The following VPS37A variants were observed in gnomAD, a reference collection of about 807,000 sequenced individuals.
VPS37A encodes vacuolar protein sorting-associated protein 37A.
In VPS37A, 30 loss-of-function variants were observed where a neutral mutation model predicts 49.8. The ratio of observed to expected loss-of-function variants is 0.60; its 90% CI spans 0.45 to 0.82. The LOEUF (loss-of-function observed/expected upper bound fraction) is 0.82. Among genes scored for constraint, VPS37A ranks in the 40% least tolerant of loss-of-function variants. The pLI, the probability that VPS37A is intolerant of heterozygous loss-of-function variation, is 0.00. For synonymous variants in VPS37A, 195 were observed against 160.6 expected (o/e 1.21, Z -1.62); for missense variants, 593 against 464.4 (o/e 1.28, Z -2.55).
At chr8:17,286,477 TTAAA>T (rs766007079) in intron 11 of VPS37A, 50 bp downstream of exon 11, 15 of 1,523,304 alleles carry the variant, frequency 9.8e-6, no homozygotes, top group Non-Finnish European at 1.4e-5. Flanking sequence ...TCAGTGTTCT[TTAAA>T]TAGACATGTT....
At chr8:17,279,808 C>A (rs1359672391) in intron 6 of VPS37A, 2 of 616,698 alleles carry the variant, frequency 3.2e-6, no homozygotes, top group Admixed American at 2.1e-5. Flanking sequence ...CCAAAATTTA[C>A]TTTTACAGAT....
chr8:17,309,614 T>C, the VPS37A span, among the ~76,000 whole-genome samples: 14 of 152,214 alleles, frequency 9.2e-5, no homozygotes, highest in African/African-American at 3.4e-4. Flanking sequence ...GCTTTACGTA[T>C]GATCTCTAAC....
chr8:17,277,808 T>C (rs923751317), intron 6 of VPS37A, among the ~76,000 whole-genome samples: 1 of 151,612 alleles, frequency 6.6e-6, no homozygotes, highest in African/African-American at 2.4e-5. Flanking sequence ...GGATAGTGGA[T>C]CTCTTAAGTT....
At chr8:17,284,680 A>G in intron 10 of VPS37A, 64 bp downstream of exon 10, 1 of 1,508,402 alleles carries the variant, frequency 6.6e-7, no homozygotes, top group Non-Finnish European at 8.9e-7. Context: ...ATAGAGGAGG[A>G]GAAGCACTGG....
At chr8:17,313,547 C>A in the VPS37A span, 1 of 545,452 alleles carries the variant, frequency 1.8e-6, no homozygotes, top group Non-Finnish European at 3.2e-6. Context: ...TAAATACCCA[C>A]GTTTACTAAA....
At chr8:17,284,736 C>T (rs931419751) in intron 10 of VPS37A, 120 bp downstream of exon 10, 20 of 1,229,176 alleles carry the variant, frequency 1.6e-5, no homozygotes, top group Non-Finnish European at 2.1e-5. Flanking sequence ...TTTTTTTGTA[C>T]AATATATTTA....
chr8:17,276,360 T>G lies in VPS37A; in HGVS notation c.643-37T>G. On this transcript the variant is annotated intron_variant, in intron 5 of 11. Transcript: ENST00000324849. ...AGTAATTGAGAGCAGTCAAAAATAA[T>G]GGCTGAAATTTAATATCATTTAAAA... is the stretch of plus-strand genomic sequence containing the variant. 1.9e-6 allele frequency: 3 copies of G among 1,560,278 alleles called. No homozygotes were observed. The African/African-American group carries it at 4.1e-5, about 21-fold the overall frequency.
At chr8:17,310,777 C>T in the VPS37A span, among the ~76,000 whole-genome samples, 1 of 152,144 alleles carries the variant, frequency 6.6e-6, no homozygotes, top group African/African-American at 2.4e-5. Context: ...TCCATTAGGA[C>T]TCCTTTGTCA....
chr8:17,294,454 G>C (rs1269324575), intron 11 of VPS37A, among the ~76,000 whole-genome samples: 2 of 152,182 alleles, frequency 1.3e-5, no homozygotes, highest in African/African-American at 4.8e-5. Context: ...CTTTCCAGGA[G>C]AGTGAAGGGT....
chr8:17,317,126 A>C, the VPS37A span, among the ~76,000 whole-genome samples: 1 of 151,960 alleles, frequency 6.6e-6, no homozygotes, highest in African/African-American at 2.4e-5. Flanking sequence ...TTGCTTGCTT[A>C]TATGTGTGTG....
At chr8:17,260,564 A>G (rs1347348472) in intron 1 of VPS37A, among the ~76,000 whole-genome samples, 2 of 152,144 alleles carry the variant, frequency 1.3e-5, no homozygotes, top group African/African-American at 4.8e-5. Flanking sequence ...TCATGCCTCC[A>G]GATGTTTTCT....
the VPS37A span, among the ~76,000 whole-genome samples, chr8:17,307,643 CCAA>C: frequency 1.3e-5 from 2 of 152,252 alleles, no homozygotes; most frequent in East Asian, 3.9e-4. Context: ...ACCTATATGT[CCAA>C]CAACAATAGC....
Position 17,246,998 on chromosome 8 carries a change from T to G in VPS37A, c.-247T>G. The stretch of plus-strand genomic sequence containing the variant: ...TCCCTGGCTGGCCGGTTTGGGCGTC[T>G]GGGCCGTGAAGGTGGGACCTCCTGT... On this transcript the variant is annotated 5_prime_UTR_variant, in exon 1 of 12. Transcript: ENST00000324849. The G allele has an allele frequency of 1.9e-6, 1 of 535,966 alleles. No individual in the cohort carries two copies. Among genetic ancestry groups the G allele is most frequent in the Non-Finnish European group, 3.3e-6 (1 of 302,188 alleles). The allele number at this position is 535,966 out of a possible 1,614,324, so 33.2% of individuals were successfully genotyped here. A position where few individuals can be genotyped will look rare whatever the true frequency, so the allele number is the denominator to read the frequency against.
chr8:17,315,031 G>A, the VPS37A span, among the ~76,000 whole-genome samples: 2 of 127,262 alleles, frequency 1.6e-5, no homozygotes, highest in East Asian at 4.5e-4. Flanking sequence ...TATTAGCCCT[G>A]TGGCCCTTGG....
At chr8:17,299,578 G>C, downstream of VPS37A, 1 of 376,018 alleles carries the variant, frequency 2.7e-6, no homozygotes, top group Non-Finnish European at 4.9e-6. Context: ...GATCACTTCA[G>C]GTAATGACAG....
At position 17,274,727 on chromosome 8, in the gene VPS37A, T is replaced by C; in HGVS notation, c.417-6T>C. ...TAATGTAATGATCTTCTCTTTTTCT[T>C]TTCAGTCTATACAGTAACCCAAGTG... On this transcript the variant is annotated splice_polypyrimidine_tract_variant and splice_region_variant and intron_variant, in intron 4 of 11. Transcript: ENST00000324849. 1.1e-5 allele frequency: 17 copies of C among 1,604,952 alleles called. No individual in the cohort carries two copies. Among genetic ancestry groups the C allele is most frequent in the Non-Finnish European group, 1.4e-5 (17 of 1,173,450 alleles).
At chr8:17,321,999 G>T in the VPS37A span, among the ~76,000 whole-genome samples, 1 of 143,556 alleles carries the variant, frequency 7.0e-6, no homozygotes. Context: ...GCAATTGCTG[G>T]TGGGGTCAGT....
At chr8:17,313,175 C>A in the VPS37A span, 1 of 644,202 alleles carries the variant, frequency 1.6e-6, no homozygotes, top group Non-Finnish European at 2.7e-6. Context: ...ACAAAGCTGG[C>A]TATCCAGTCA....
At chr8:17,256,539 T>C (rs1812477720) in intron 1 of VPS37A, among the ~76,000 whole-genome samples, 1 of 151,858 alleles carries the variant, frequency 6.6e-6, no homozygotes, top group Non-Finnish European at 1.5e-5. Flanking sequence ...ATTCGGTAGT[T>C]AATCCTTTGT....
Sources: gnomAD v4.1 joint callset for allele counts (sites outside exome capture counted in the v4.1 genomes callset) on GRCh38, gnomAD v4.1.1 for gene constraint, MANE v1.5 for transcripts, NCBI Gene and HGNC (gene_info 2026-07-23, HGNC 2026-07-21) for gene names.